Variants in ARF5 observed in about 807,000 individuals in gnomAD.
ARF5 encodes the protein ADP-ribosylation factor 5.
Under a neutral mutation model 24.8 loss-of-function variants are expected in ARF5, and 10 were observed. The ratio of observed to expected loss-of-function variants is 0.40; its 90% CI spans 0.25 to 0.68. The LOEUF (loss-of-function observed/expected upper bound fraction) is 0.68, where lower values mean the gene tolerates loss of function less well. Ranked by LOEUF, ARF5 falls within the 30% of genes least tolerant of loss-of-function variation. The pLI, the probability that ARF5 is intolerant of heterozygous loss-of-function variation, is 0.36. For synonymous variants in ARF5, 102 were observed against 95.1 expected (o/e 1.07, Z -0.42); for missense variants, 135 against 239.2 (o/e 0.56, Z 2.87).
rs1587537211 is a variant in ARF5 at position 127,591,365 on chromosome 7, C to T, written c.*66C>T. 1.4e-5 allele frequency: 19 copies of T among 1,401,666 alleles called. No individual in the cohort carries two copies. The highest frequency in any genetic ancestry group is 2.8e-5 in the South Asian group (2 of 70,678). 86.8% of individuals were successfully genotyped at this position (1,401,666 alleles called of 1,614,324 possible). A position where few individuals can be genotyped will look rare whatever the true frequency, so the allele number is the denominator to read the frequency against. ...TGCATCCCCGGGATGACCAGACTCCCGGACTCCTCAGGCAGTGCCCTTTCC... is the reference window on the plus strand; with the variant it reads ...TGCATCCCCGGGATGACCAGACTCCTGGACTCCTCAGGCAGTGCCCTTTCC... On this transcript the variant is annotated 3_prime_UTR_variant, in exon 6 of 6. Transcript: ENST00000000233.
At position 127,588,957 on chromosome 7, in the gene ARF5, C is replaced by T. The variant is rs1026832069; in HGVS notation, c.68-126C>T. ...TCCAGGCCTCAAAGGTAGATAACGA[C>T]GCGCACCTGGAGGCGCTCCCGCTCT... is the stretch of plus-strand genomic sequence containing the variant. On this transcript the variant is annotated intron_variant, in intron 1 of 5. Coordinates refer to ENST00000000233, the MANE Select transcript of ARF5 (RefSeq NM_001662.4). 16 of 1,110,540 alleles carry T rather than the reference C, an allele frequency of 1.4e-5. No homozygotes were observed. In the African/African-American group the frequency reaches 1.6e-4, roughly 11 times the overall value. The allele number at this position is 1,110,540 out of a possible 1,614,324, so 68.8% of individuals were successfully genotyped here. A position where few individuals can be genotyped will look rare whatever the true frequency, so the allele number is the denominator to read the frequency against.
chr7:127,589,074 C>T lies in ARF5; in HGVS notation c.68-9C>T. On this transcript the variant is annotated splice_polypyrimidine_tract_variant and intron_variant, in intron 1 of 5. Coordinates refer to ENST00000000233, the MANE Select transcript of ARF5 (RefSeq NM_001662.4). Reference sequence around the variant, plus strand: ...CCCATCTCCATCCCTGTGCCCCTTTCCGTTGCAGTTGGCTTGGATGCGGCT... The same window carrying T: ...CCCATCTCCATCCCTGTGCCCCTTTTCGTTGCAGTTGGCTTGGATGCGGCT... 1 of 1,614,222 alleles carries T rather than the reference C, an allele frequency of 6.2e-7. No individual in the cohort carries two copies. Among genetic ancestry groups the T allele is most frequent in the Non-Finnish European group, 8.5e-7 (1 of 1,180,002 alleles).
rs1794288437 is a variant in ARF5, at chr7:127,591,537, G to T, written c.*238G>T. On this transcript the variant is annotated 3_prime_UTR_variant, in exon 6 of 6. Transcript: ENST00000000233. ...TGGGACCTATGGAAGGGGCTTCCTG[G>T]CCAAGGCCCCCTCTTCCAGAGGAGG... 1.3e-5 allele frequency: 6 copies of T among 478,332 alleles called. No individual in the cohort carries two copies. The highest frequency in any genetic ancestry group is 3.5e-5 in the South Asian group (1 of 28,450). The allele number at this position is 478,332 out of a possible 1,614,324, so 29.6% of individuals were successfully genotyped here.
At position 127,591,035 on chromosome 7, in the gene ARF5, C is replaced by A. The variant is rs759398219; in HGVS notation, c.403C>A (p.Pro135Thr). 1 of 1,614,088 alleles carries A rather than the reference C, an allele frequency of 6.2e-7. No homozygotes were observed. Among genetic ancestry groups the A allele is most frequent in the Non-Finnish European group, 8.5e-7 (1 of 1,180,018 alleles). The change falls in exon 5 of 6, where the codon CCC becomes ACC. Residue 135 changes from proline (P) to threonine (T), a missense_variant. Coordinates refer to ENST00000000233, the MANE Select transcript of ARF5 (RefSeq NM_001662.4). ...CAAGCAGGACATGCCCAACGCCATG[C>A]CCGTGAGCGAGCTGACTGACAAGCT... ...ANKQDMPNAM[P>T]VSELTDKLGL...
At chr7:127,590,862 A>C in intron 4 of ARF5, 101 bp from the exon 5 acceptor site, 2 of 1,438,328 alleles carry the variant, frequency 1.4e-6, no homozygotes, top group Non-Finnish European at 1.9e-6. Flanking sequence ...ACTGCACAAT[A>C]CTTTTTTTTT....
At chr7:127,589,958 GAGA>G in intron 3 of ARF5, 105 bp from the exon 4 acceptor site, 1 of 999,900 alleles carries the variant, frequency 1.0e-6, no homozygotes, top group Non-Finnish European at 1.6e-6. Context: ...TTTACTAGAT[GAGA>G]AGGATTGACA....
chr7:127,589,665 G>A (rs761391070), intron 3 of ARF5, 71 bp downstream of exon 3: 25 of 1,304,750 alleles, frequency 1.9e-5, no homozygotes, highest in Non-Finnish European at 2.5e-5. Flanking sequence ...AGAATTGTTG[G>A]CCTAGGCTGG....
chr7:127,588,508 A>G lies in ARF5; in HGVS notation c.10A>G (p.Thr4Ala), dbSNP rs1207747890. Residue 4 changes from threonine (T) to alanine (A), a missense_variant, in exon 1 of 6, where the codon ACC becomes GCC. Physicochemically the swap from Thr to Ala is moderately conservative, Grantham distance 58. Transcript: ENST00000000233. MGL[T>A]VSALFSRIFG... ...CTCCCCGGGCCCCGCCATGGGCCTC[A>G]CCGTGTCCGCGCTCTTTTCGCGGAT... The G allele has an allele frequency of 2.0e-6, 3 of 1,469,250 alleles. No homozygotes were observed. Among genetic ancestry groups the G allele is most frequent in the South Asian group, 1.3e-5 (1 of 74,314 alleles). The allele number at this position is 1,469,250 out of a possible 1,614,324, so 91.0% of individuals were successfully genotyped here.
At chr7:127,589,284 G>A (rs1263373528) in intron 2 of ARF5, 121 bp downstream of exon 2, 10 of 1,266,940 alleles carry the variant, frequency 7.9e-6, no homozygotes, top group Non-Finnish European at 1.0e-5. Flanking sequence ...TTGAGAAGTG[G>A]GTCAGGGTAT....
chr7:127,589,489 C>T lies in ARF5; in HGVS notation c.153C>T (p.Phe51=), dbSNP rs943675844. Reference sequence around the variant, plus strand: ...TTTTTTTCCAATTATCTGCAGGCTTCAATGTAGAAACAGTGGAATATAAGA... The same window carrying T: ...TTTTTTTCCAATTATCTGCAGGCTTTAATGTAGAAACAGTGGAATATAAGA... ...EIVTTIPTIG[F]NVETVEYKNI... Residue 51 remains phenylalanine, a synonymous_variant, in exon 3 of 6, where the codon TTC becomes TTT. Coordinates refer to ENST00000000233, the MANE Select transcript of ARF5 (RefSeq NM_001662.4). 2.5e-6 allele frequency: 4 copies of T among 1,610,144 alleles called. No homozygotes were observed. In the Admixed American group the frequency reaches 6.8e-5, roughly 27 times the overall value.
At chr7:127,589,027 G>T in intron 1 of ARF5, 56 bp from the exon 2 acceptor site, 2 of 1,594,008 alleles carry the variant, frequency 1.3e-6, no homozygotes, top group Admixed American at 3.3e-5. Context: ...CCTTTCCCTG[G>T]TCTCTAGGGG....
chr7:127,591,454 G>A lies in ARF5; in HGVS notation c.*155G>A. 1 of 646,668 alleles carries A rather than the reference G, an allele frequency of 1.5e-6. No homozygotes were observed. Among genetic ancestry groups the A allele is most frequent in the Non-Finnish European group, 2.5e-6 (1 of 398,784 alleles). 40.1% of individuals were successfully genotyped at this position (646,668 alleles called of 1,614,324 possible). On this transcript the variant is annotated 3_prime_UTR_variant, in exon 6 of 6. Coordinates refer to ENST00000000233, the MANE Select transcript of ARF5 (RefSeq NM_001662.4). Reference sequence around the variant, plus strand: ...CTGCTCCTGCCTGCATGTTCTCTCTGTTGTTGGAGCCTGGAGCCTTGCTCT... The same window carrying A: ...CTGCTCCTGCCTGCATGTTCTCTCTATTGTTGGAGCCTGGAGCCTTGCTCT...
intron 3 of ARF5, 70 bp from the exon 4 acceptor site, chr7:127,589,996 A>G (rs1206070423): frequency 1.0e-5 from 14 of 1,339,514 alleles, no homozygotes; most frequent in African/African-American, 1.4e-5. Context: ...AAGAAAACAG[A>G]AAGGGCCACA....
rs202056240 is a variant in ARF5, at chr7:127,589,211, C to A, written c.148+48C>A. On this transcript the variant is annotated intron_variant, in intron 2 of 5. Coordinates refer to ENST00000000233, the MANE Select transcript of ARF5 (RefSeq NM_001662.4). ...GAGCGGGAGCGCCGCGGCGGGCCCT[C>A]GCGGGGTCTGCTCCCAGTTCTGCCA... is the stretch of plus-strand genomic sequence containing the variant. 7 of 1,598,388 alleles carry A rather than the reference C, an allele frequency of 4.4e-6. No homozygotes were observed. The African/African-American group carries it at 6.7e-5, about 15-fold the overall frequency.
chr7:127,590,936 G>C (rs1156642483), intron 4 of ARF5, 27 bp from the exon 5 acceptor site: 2 of 1,605,400 alleles, frequency 1.2e-6, no homozygotes, highest in South Asian at 2.2e-5. Context: ...CGCAGCCTGG[G>C]TCCCACCTTC....
chr7:127,588,594 C>T (rs767877265), intron 1 of ARF5, 29 bp downstream of exon 1: 12 of 1,331,968 alleles, frequency 9.0e-6, no homozygotes, highest in Middle Eastern at 2.2e-4. Flanking sequence ...GCGGCCCGGA[C>T]CGGGGCGCCG....
In ARF5 at chr7:127,589,555, G is replaced by A. The variant is rs138066010; in HGVS notation, c.219G>A (p.Lys73=). The A allele has an allele frequency of 6.2e-7, 1 of 1,614,078 alleles. No individual in the cohort carries two copies. The highest frequency in any genetic ancestry group is 8.5e-7 in the Non-Finnish European group (1 of 1,179,984). Reference sequence around the variant, plus strand: ...TCTGGGACGTGGGAGGCCAGGACAAGATTCGGCCTCTGTGGCGGCACTACT... The same window carrying A: ...TCTGGGACGTGGGAGGCCAGGACAAAATTCGGCCTCTGTGGCGGCACTACT... ...FTVWDVGGQD[K]IRPLWRHYFQ... is the part of the protein sequence containing the mutation. Residue 73 remains lysine (K), a synonymous_variant, in exon 3 of 6, where the codon AAG becomes AAA. Coordinates refer to ENST00000000233, the MANE Select transcript of ARF5 (RefSeq NM_001662.4).
At chr7:127,590,818 C>A in intron 4 of ARF5, 145 bp from the exon 5 acceptor site, 3 of 1,110,936 alleles carry the variant, frequency 2.7e-6, no homozygotes, top group Non-Finnish European at 3.7e-6. Context: ...TCACCTCAAG[C>A]TCATTTACAA....
intron 1 of ARF5, 24 bp downstream of exon 1, chr7:127,588,589 C>A: frequency 2.2e-6 from 3 of 1,350,316 alleles, no homozygotes; most frequent in East Asian, 3.1e-5. Context: ...AGCGCGCGGC[C>A]CGGACCGGGG....
Sources: gnomAD v4.1 joint callset for allele counts on GRCh38, gnomAD v4.1.1 for gene constraint, MANE v1.5 for transcripts, NCBI Gene and HGNC (gene_info 2026-07-23, HGNC 2026-07-21) for gene names.